The following ACCSL variants were observed in gnomAD, a reference collection of about 807,000 sequenced individuals.
ACCSL encodes probable inactive 1-aminocyclopropane-1-carboxylate synthase-like protein 2.
Under a neutral mutation model 61.7 loss-of-function variants are expected in ACCSL, and 55 were observed. That is an observed-to-expected ratio of 0.89 (90% confidence interval 0.72 to 1.12). The LOEUF is 1.12. ACCSL is among the 50% of genes most tolerant of loss of function. ACCSL has a pLI of 0.00. For missense variants in ACCSL, 632 were observed against 698.0 expected, an observed-to-expected ratio of 0.91 and a Z score of 1.07; for synonymous variants, 258 against 264.3, an observed-to-expected ratio of 0.98 and a Z score of 0.23.
At chr11:43,960,213 G>GCT in the ACCSL span, among the ~76,000 whole-genome samples, 1 of 152,146 alleles carries the variant, frequency 6.6e-6, no homozygotes, top group Admixed American at 6.5e-5. Flanking sequence ...TGTGTTCTGA[G>GCT]GTTTATCAAT....
chr11:44,042,342 T>C, the ACCSL span, among the ~76,000 whole-genome samples: 5 of 152,180 alleles, frequency 3.3e-5, no homozygotes, highest in Admixed American at 1.3e-4. Flanking sequence ...TTTGTTCAGA[T>C]TTTATTTCTC....
At chr11:43,996,050 T>C in the ACCSL span, among the ~76,000 whole-genome samples, 1 of 152,116 alleles carries the variant, frequency 6.6e-6, no homozygotes, top group Non-Finnish European at 1.5e-5. Context: ...CCATGTGTAG[T>C]GGCACAGGAA....
chr11:43,979,093 C>T, the ACCSL span, among the ~76,000 whole-genome samples: 1 of 152,074 alleles, frequency 6.6e-6, no homozygotes, highest in Non-Finnish European at 1.5e-5. Context: ...GATTTTTATG[C>T]CTGGCCAAAG....
At chr11:43,970,932 T>G in the ACCSL span, among the ~76,000 whole-genome samples, 2 of 152,228 alleles carry the variant, frequency 1.3e-5, no homozygotes, top group African/African-American at 2.4e-5. Flanking sequence ...CCTAACATAT[T>G]CTTAAAGAAT....
the ACCSL span, among the ~76,000 whole-genome samples, chr11:43,982,492 T>C: frequency 6.6e-6 from 1 of 151,968 alleles, no homozygotes; most frequent in Non-Finnish European, 1.5e-5. Flanking sequence ...CCTCCCAAAG[T>C]GGCAAGGCCC....
At chr11:43,930,474 G>A in the ACCSL span, among the ~76,000 whole-genome samples, 3 of 152,290 alleles carry the variant, frequency 2.0e-5, no homozygotes, top group South Asian at 2.1e-4. Context: ...CCATGGTAAT[G>A]AGTGAGTTCT....
the ACCSL span, among the ~76,000 whole-genome samples, chr11:43,983,903 G>A: frequency 1.3e-5 from 2 of 152,046 alleles, no homozygotes; most frequent in East Asian, 3.9e-4. Context: ...ATCACTTGAG[G>A]TCAGGAGTTC....
chr11:43,956,844 A>G, the ACCSL span, among the ~76,000 whole-genome samples: 5 of 151,434 alleles, frequency 3.3e-5, no homozygotes, highest in African/African-American at 1.2e-4. Context: ...TCACAGATGC[A>G]TCTGTGGCTG....
At chr11:44,058,769 C>A in intron 13 of ACCSL, 70 bp downstream of exon 13, 2 of 1,522,344 alleles carry the variant, frequency 1.3e-6, no homozygotes, top group South Asian at 1.3e-5. Flanking sequence ...TTCTCCCCCA[C>A]CCCCCTTAAA....
chr11:43,973,426 CTATCTATCTATCTA>C, the ACCSL span, among the ~76,000 whole-genome samples: 1 of 141,162 alleles, frequency 7.1e-6, no homozygotes, highest in African/African-American at 3.0e-5. Flanking sequence ...ATCTATCTAT[CTATCTATCTATCTA>C]TCTATCTATC....
the ACCSL span, among the ~76,000 whole-genome samples, chr11:44,014,380 C>G: frequency 2.0e-5 from 3 of 152,072 alleles, no homozygotes; most frequent in African/African-American, 7.2e-5. Flanking sequence ...GGCTGTCAGC[C>G]AGAGACCTCA....
the ACCSL span, among the ~76,000 whole-genome samples, chr11:44,035,303 G>C: frequency 6.6e-6 from 1 of 152,022 alleles, no homozygotes; most frequent in Non-Finnish European, 1.5e-5. Context: ...CCAGCACCTA[G>C]AGCAGTGTCT....
At chr11:43,970,630 A>T in the ACCSL span, among the ~76,000 whole-genome samples, 3 of 152,226 alleles carry the variant, frequency 2.0e-5, no homozygotes, top group African/African-American at 4.8e-5. Context: ...TGAATTTTTT[A>T]AAAAACCCAA....
upstream of ACCSL, among the ~76,000 whole-genome samples, chr11:44,046,573 C>T (rs568949127): frequency 2.0e-5 from 3 of 152,300 alleles, no homozygotes; most frequent in Admixed American, 6.5e-5. Context: ...CACAGGCAAA[C>T]TGAACATGGT....
At chr11:43,963,970 T>C in the ACCSL span, among the ~76,000 whole-genome samples, 1 of 152,194 alleles carries the variant, frequency 6.6e-6, no homozygotes, top group South Asian at 2.1e-4. Context: ...TGGTATGCCA[T>C]TGCTCATCTT....
At chr11:44,028,867 A>T in the ACCSL span, among the ~76,000 whole-genome samples, 1 of 152,252 alleles carries the variant, frequency 6.6e-6, no homozygotes, top group East Asian at 1.9e-4. Flanking sequence ...ACAAAGTAGT[A>T]GAAAAATGAG....
At position 44,048,461 on chromosome 11, in the gene ACCSL, T is replaced by C. The variant is rs770646737; in HGVS notation, c.425T>C (p.Ile142Thr). The C allele has an allele frequency of 6.2e-7, 1 of 1,612,506 alleles. No individual in the cohort carries two copies. Among genetic ancestry groups the C allele is most frequent in the East Asian group, 2.2e-5 (1 of 44,754 alleles). ...NRDLSIRGID[I>T]SVFYQSSFQD... ...GACCTATCCATCCGTGGGATTGACATCTCTGTCTTTTATCAGTCGAGCTTC... is the reference window on the plus strand; with the variant it reads ...GACCTATCCATCCGTGGGATTGACACCTCTGTCTTTTATCAGTCGAGCTTC... Residue 142 changes from isoleucine (I) to threonine (T), a missense_variant, in exon 1 of 14, where the codon ATC becomes ACC. Ile to Thr is a moderately conservative substitution (Grantham distance 89, BLOSUM62 -1). Transcript: ENST00000378832.
chr11:44,050,411 A>C, intron 2 of ACCSL, 141 bp from the exon 3 acceptor site: 1 of 735,976 alleles, frequency 1.4e-6, no homozygotes. Flanking sequence ...CCATTCATTA[A>C]GGAGCATGCA....
At chr11:43,968,919 A>G in the ACCSL span, among the ~76,000 whole-genome samples, 3 of 152,174 alleles carry the variant, frequency 2.0e-5, no homozygotes, top group African/African-American at 7.2e-5. Flanking sequence ...TTGGGCTCAC[A>G]TGATTCAGCA....
Sources: gnomAD v4.1 joint callset for allele counts (sites outside exome capture counted in the v4.1 genomes callset) on GRCh38, gnomAD v4.1.1 for gene constraint, MANE v1.5 for transcripts, NCBI Gene and HGNC (gene_info 2026-07-23, HGNC 2026-07-21) for gene names.